Variants in FGGY observed in about 807,000 individuals in gnomAD.
The protein encoded by FGGY is FGGY carbohydrate kinase domain containing.
Under a neutral mutation model 71.3 loss-of-function variants are expected in FGGY, and 72 were observed. The observed-to-expected ratio is 1.01, with a 90% CI of 0.84 to 1.23. The LOEUF is 1.23. Among genes scored for constraint, FGGY ranks in the 50% most tolerant of loss-of-function variants. The probability of loss-of-function intolerance (pLI) is 0.00; values close to 1 mark genes in which losing one functional copy is unlikely to be tolerated. For missense variants in FGGY, 668 were observed against 682.3 expected, an observed-to-expected ratio of 0.98 and a Z score of 0.23; for synonymous variants, 251 against 250.3, an observed-to-expected ratio of 1.00 and a Z score of -0.02.
chr1:59,371,732 C>G (rs1029434106), intron 4 of FGGY, among the ~76,000 whole-genome samples: 19 of 152,092 alleles, frequency 1.2e-4, no homozygotes, highest in South Asian at 6.2e-4. Flanking sequence ...TGCAATCAAA[C>G]TAGAACTCAG....
At chr1:59,490,182 C>T (rs970629169) in intron 6 of FGGY, among the ~76,000 whole-genome samples, 1 of 152,084 alleles carries the variant, frequency 6.6e-6, no homozygotes, top group African/African-American at 2.4e-5. Context: ...TCCCAAGTAG[C>T]TGAGACTACA....
At chr1:59,601,382 C>T (rs538169366) in intron 8 of FGGY, among the ~76,000 whole-genome samples, 54 of 152,300 alleles carry the variant, frequency 3.5e-4, no homozygotes, top group South Asian at 1.0e-3. Flanking sequence ...ACTCGGCTGA[C>T]GGGCACATTG....
chr1:59,466,692 A>G (rs1457185262), intron 6 of FGGY, among the ~76,000 whole-genome samples: 2 of 152,238 alleles, frequency 1.3e-5, no homozygotes, highest in African/African-American at 4.8e-5. Flanking sequence ...AAAAGTGGGC[A>G]ACGGATATGA....
intron 6 of FGGY, among the ~76,000 whole-genome samples, chr1:59,469,645 G>C (rs141600061): frequency 6.6e-6 from 1 of 151,828 alleles, no homozygotes; most frequent in Non-Finnish European, 1.5e-5. Context: ...TTGTTACATA[G>C]GTAAACTTGT....
At chr1:59,497,852 C>T (rs909652272) in intron 6 of FGGY, among the ~76,000 whole-genome samples, 55 of 152,166 alleles carry the variant, frequency 3.6e-4, no homozygotes, top group African/African-American at 1.3e-3. Flanking sequence ...TTTCTGTCTT[C>T]GCGTTGTTTC....
intron 1 of FGGY, among the ~76,000 whole-genome samples, chr1:59,308,477 T>C (rs2043772560): frequency 3.3e-5 from 5 of 152,254 alleles, no homozygotes; most frequent in Admixed American, 3.3e-4. Context: ...TATTTCTTTT[T>C]GCTGGATGTC....
intron 5 of FGGY, among the ~76,000 whole-genome samples, chr1:59,409,687 T>A (rs898125606): frequency 6.6e-6 from 1 of 151,638 alleles, no homozygotes; most frequent in Non-Finnish European, 1.5e-5. Flanking sequence ...TAGGGTTACA[T>A]TGAGACCAGA....
intron 4 of FGGY, among the ~76,000 whole-genome samples, chr1:59,347,102 C>T (rs1453261386): frequency 6.6e-5 from 10 of 151,000 alleles, no homozygotes; most frequent in South Asian, 2.1e-4. Context: ...TTCGGTTATT[C>T]TTTATTATTA....
In FGGY at chr1:59,482,448, G is replaced by A. The variant is rs557485408; in HGVS notation, c.670+25372G>A. Among the ~76,000 whole-genome samples, 10 of 152,082 alleles carry A rather than the reference G, an allele frequency of 6.6e-5. No individual in the cohort carries two copies. The East Asian group carries it at 1.9e-3, about 29-fold the overall frequency. On this transcript the variant is annotated intron_variant, in intron 6 of 15. Transcript: ENST00000303721. The stretch of plus-strand genomic sequence containing the variant: ...AGCAAGTTTTTGCCGCAGCAAAAAT[G>A]ACCACTTATCTAAGAGGCTGCATAT...
At chr1:59,357,895 G>A (rs2054641247) in intron 4 of FGGY, among the ~76,000 whole-genome samples, 1 of 152,214 alleles carries the variant, frequency 6.6e-6, no homozygotes, top group Admixed American at 6.5e-5. Flanking sequence ...ACCTCTAGGA[G>A]TCATTAGTGT....
intron 5 of FGGY, among the ~76,000 whole-genome samples, chr1:59,401,273 C>T (rs548039449): frequency 6.6e-6 from 1 of 152,198 alleles, no homozygotes; most frequent in South Asian, 2.1e-4. Flanking sequence ...GTATAAAGCC[C>T]ATAAGTAGGT....
At chr1:59,550,804 G>A (rs764998322) in intron 7 of FGGY, among the ~76,000 whole-genome samples, 1 of 152,152 alleles carries the variant, frequency 6.6e-6, no homozygotes, top group Non-Finnish European at 1.5e-5. Context: ...ATAAAGTGAG[G>A]AGTATAGAAA....
chr1:59,567,827 G>A (rs1443082939), intron 8 of FGGY, among the ~76,000 whole-genome samples: 1 of 150,724 alleles, frequency 6.6e-6, no homozygotes, highest in African/African-American at 2.4e-5. Flanking sequence ...TCATTCTCCT[G>A]ATAAAAATCC....
At chr1:59,543,853 A>C (rs2095482471) in intron 7 of FGGY, among the ~76,000 whole-genome samples, 1 of 152,116 alleles carries the variant, frequency 6.6e-6, no homozygotes, top group Admixed American at 6.5e-5. Flanking sequence ...ACCTTCAAGG[A>C]GCCTTTGAAT....
intron 14 of FGGY, among the ~76,000 whole-genome samples, chr1:59,748,642 T>C (rs2098220060): frequency 6.6e-6 from 1 of 152,172 alleles, no homozygotes; most frequent in East Asian, 1.9e-4. Context: ...TTGAGTTTTA[T>C]TCAAAAAGCG....
intron 5 of FGGY, among the ~76,000 whole-genome samples, chr1:59,455,086 A>T (rs1317487188): frequency 2.0e-5 from 3 of 152,210 alleles, no homozygotes; most frequent in Non-Finnish European, 4.4e-5. Flanking sequence ...GGCTTGTCAT[A>T]ATCCTGAATG....
intron 6 of FGGY, among the ~76,000 whole-genome samples, chr1:59,492,105 T>C (rs968197819): frequency 6.6e-6 from 1 of 152,196 alleles, no homozygotes; most frequent in Non-Finnish European, 1.5e-5. Context: ...TCCTATCATT[T>C]TGTTAATAAC....
chr1:59,756,307 A>C (rs374335253), intron 14 of FGGY, among the ~76,000 whole-genome samples: 9 of 152,204 alleles, frequency 5.9e-5, no homozygotes, highest in African/African-American at 2.2e-4. Context: ...CCCAATCAGC[A>C]CATTCACATC....
intron 7 of FGGY, among the ~76,000 whole-genome samples, chr1:59,525,084 C>G (rs890608125): frequency 6.6e-6 from 1 of 152,218 alleles, no homozygotes; most frequent in African/African-American, 2.4e-5. Context: ...CATCCAGATG[C>G]GGGTGCCCAT....
Sources: gnomAD v4.1 joint callset for allele counts (sites outside exome capture counted in the v4.1 genomes callset) on GRCh38, gnomAD v4.1.1 for gene constraint, MANE v1.5 for transcripts, NCBI Gene and HGNC (gene_info 2026-07-23, HGNC 2026-07-21) for gene names.